The following WDR37 variants were observed in gnomAD, a reference collection of about 807,000 sequenced individuals.
The protein encoded by WDR37 is WD repeat domain 37, also known as WD repeat-containing protein 37.
A neutral mutation model predicts 62.9 loss-of-function variants in WDR37; 19 were observed. The observed-to-expected ratio is 0.30, with a 90% CI of 0.21 to 0.44. The LOEUF is 0.44. WDR37 is among the 20% of genes least tolerant of loss of function. The probability of loss-of-function intolerance (pLI) is 1.00; values close to 1 mark genes in which losing one functional copy is unlikely to be tolerated. For synonymous variants in WDR37, 250 were observed against 260.9 expected, an observed-to-expected ratio of 0.96 and a Z score of 0.40; for missense variants, 474 against 657.6, an observed-to-expected ratio of 0.72 and a Z score of 3.05.
rs1476804319 is a variant in WDR37 at position 1,086,281 on chromosome 10, T to C, written c.533-5T>C. On this transcript the variant is annotated splice_region_variant and splice_polypyrimidine_tract_variant and intron_variant, in intron 6 of 13. Coordinates refer to ENST00000263150, the MANE Select transcript of WDR37 (RefSeq NM_014023.4). ...AGTTCCGACTTCTTCATTTCCATCT[T>C]GCAGATCACACGGCTTTGCTGTGGA... 6.2e-7 allele frequency: 1 copy of C among 1,613,874 alleles called. No homozygotes were observed. Among genetic ancestry groups the C allele is most frequent in the Admixed American group, 1.7e-5 (1 of 59,996 alleles).
intron 11 of WDR37, among the ~76,000 whole-genome samples, chr10:1,115,547 G>T (rs1282658507): frequency 2.0e-5 from 3 of 152,214 alleles, no homozygotes; most frequent in African/African-American, 7.2e-5. Flanking sequence ...GGGAAAAGAT[G>T]TTTGGAAATC....
intron 13 of WDR37, among the ~76,000 whole-genome samples, chr10:1,126,607 G>A (rs1366711811): frequency 6.6e-6 from 1 of 152,178 alleles, no homozygotes; most frequent in Non-Finnish European, 1.5e-5. Context: ...CGGCAGCTTG[G>A]GTGGCCCCCT....
At chr10:1,095,256 AG>A (rs1834536532) in intron 8 of WDR37, among the ~76,000 whole-genome samples, 2 of 147,998 alleles carry the variant, frequency 1.4e-5, no homozygotes, top group South Asian at 4.4e-4. Context: ...GGGCATGGAG[AG>A]GGGAGAGTTA....
chr10:1,066,541 G>A (rs1351639813), intron 1 of WDR37, among the ~76,000 whole-genome samples: 3 of 152,166 alleles, frequency 2.0e-5, no homozygotes, highest in Non-Finnish European at 4.4e-5. Context: ...TTGATGTACA[G>A]ATTTAACACA....
intron 11 of WDR37, among the ~76,000 whole-genome samples, chr10:1,119,665 A>G (rs1376325286): frequency 6.6e-6 from 1 of 152,190 alleles, no homozygotes; most frequent in East Asian, 1.9e-4. Flanking sequence ...TGCTGACCTT[A>G]TAATATTATA....
At chr10:1,064,031 A>G (rs1286144406) in intron 1 of WDR37, among the ~76,000 whole-genome samples, 1 of 152,258 alleles carries the variant, frequency 6.6e-6, no homozygotes, top group African/African-American at 2.4e-5. Flanking sequence ...AGGACCTTAA[A>G]GCAGCGATTG....
chr10:1,092,234 C>T (rs370619704), intron 7 of WDR37, among the ~76,000 whole-genome samples: 7 of 150,662 alleles, frequency 4.6e-5, no homozygotes, highest in Admixed American at 6.6e-5. Context: ...TGGCTGGGTG[C>T]GGTGGCTCAC....
At chr10:1,071,630 C>G (rs923771443) in intron 1 of WDR37, among the ~76,000 whole-genome samples, 5 of 152,102 alleles carry the variant, frequency 3.3e-5, no homozygotes, top group African/African-American at 1.2e-4. Context: ...TTTATGTTGA[C>G]TATAAAATAT....
intron 1 of WDR37, among the ~76,000 whole-genome samples, chr10:1,060,241 T>TAG (rs1833332627): frequency 6.6e-6 from 1 of 152,242 alleles, no homozygotes; most frequent in African/African-American, 2.4e-5. Context: ...CTGCTGTGTG[T>TAG]AGAGCACTGT....
rs546440560 is a variant in WDR37, at chr10:1,128,874, G to T, written c.1354-339G>T. Among the ~76,000 whole-genome samples the T allele has an allele frequency of 1.3e-4, 20 of 151,694 alleles. No homozygotes were observed. The East Asian group carries it at 3.5e-3, about 27-fold the overall frequency. Reference sequence around the variant, plus strand: ...CAGTGGTCCATGCTCGGCGGTCCATGCTCGGTGGTCCTGCTCAGTGGTCCA... The same window carrying T: ...CAGTGGTCCATGCTCGGCGGTCCATTCTCGGTGGTCCTGCTCAGTGGTCCA... On this transcript the variant is annotated intron_variant, in intron 13 of 13. Transcript: ENST00000263150.
At chr10:1,097,438 C>T (rs1435375247) in intron 9 of WDR37, among the ~76,000 whole-genome samples, 1 of 152,214 alleles carries the variant, frequency 6.6e-6, no homozygotes, top group Non-Finnish European at 1.5e-5. Flanking sequence ...AGCACAGAAA[C>T]CAGAGCTGCC....
intron 7 of WDR37, among the ~76,000 whole-genome samples, chr10:1,087,760 G>C (rs1322526213): frequency 6.6e-6 from 1 of 152,180 alleles, no homozygotes; most frequent in Non-Finnish European, 1.5e-5. Flanking sequence ...TGGCAAGTGA[G>C]CATTGACTTC....
intron 5 of WDR37, 132 bp from the exon 6 acceptor site, chr10:1,084,271 T>C: frequency 8.3e-7 from 1 of 1,206,622 alleles, no homozygotes; most frequent in Non-Finnish European, 1.2e-6. Context: ...TTGCGCTGTG[T>C]TCCTTGATGC....
intron 1 of WDR37, among the ~76,000 whole-genome samples, chr10:1,069,114 T>C (rs531074890): frequency 6.6e-6 from 1 of 152,106 alleles, no homozygotes; most frequent in South Asian, 2.1e-4. Context: ...AAATGTACAG[T>C]TGATTGTGGT....
intron 1 of WDR37, among the ~76,000 whole-genome samples, chr10:1,066,129 T>G (rs1833531441): frequency 6.6e-6 from 1 of 152,184 alleles, no homozygotes; most frequent in Non-Finnish European, 1.5e-5. Context: ...GACTTTTTTT[T>G]TTTAGAAACG....
At chr10:1,057,749 T>A (rs1221906776) in intron 1 of WDR37, among the ~76,000 whole-genome samples, 1 of 152,248 alleles carries the variant, frequency 6.6e-6, no homozygotes, top group Non-Finnish European at 1.5e-5. Context: ...AGAGATTTTG[T>A]CATTTAACTT....
At chr10:1,101,640 T>C (rs1262994384) in intron 9 of WDR37, among the ~76,000 whole-genome samples, 3 of 152,234 alleles carry the variant, frequency 2.0e-5, no homozygotes, top group African/African-American at 7.2e-5. Flanking sequence ...GACAGCCGTC[T>C]GGTGATTTTG....
rs764333462 is a variant in WDR37 at position 1,098,324 on chromosome 10, C to G, written c.726+2078C>G. On this transcript the variant is annotated intron_variant, in intron 9 of 13. Transcript: ENST00000263150. ...CTCTTTCTACCCCCTCCCCATCTGT[C>G]CGTTTTTTTTTTTTTTTTTTTGAGA... is the stretch of plus-strand genomic sequence containing the variant. 5.6e-4 allele frequency among the ~76,000 whole-genome samples: 82 copies of G among 145,952 alleles called. 1 individual carries two copies. The highest frequency in any genetic ancestry group is 7.8e-4 in the Admixed American group (11 of 14,102).
At position 1,075,344 on chromosome 10, in the gene WDR37, C is replaced by T. The variant is rs180907159; in HGVS notation, c.139-2563C>T. 2.6e-3 allele frequency among the ~76,000 whole-genome samples: 381 copies of T among 149,092 alleles called. 1 individual carries two copies. The highest frequency in any genetic ancestry group is 4.2e-3 in the Non-Finnish European group (284 of 67,716). On this transcript the variant is annotated intron_variant, in intron 2 of 13. Transcript: ENST00000263150. ...ATGTGCACAACGAGCAGGTTTGTTA[C>T]GTAGGTATACATGTGCCAAGGTGGT...
Sources: allele counts gnomAD v4.1 joint callset (sites outside exome capture counted in the v4.1 genomes callset), GRCh38; gene constraint gnomAD v4.1.1; transcripts MANE v1.5; gene names NCBI Gene and HGNC (gene_info 2026-07-23, HGNC 2026-07-21).